AMZ2: variants seen among roughly 807,000 people sequenced by gnomAD.
AMZ2 encodes archaelysin family metallopeptidase 2.
A neutral mutation model predicts 36.7 loss-of-function variants in AMZ2; 26 were observed. The observed-to-expected ratio is 0.71, with a 90% confidence interval of 0.52 to 0.98. The LOEUF (loss-of-function observed/expected upper bound fraction) is 0.98. AMZ2 is among the 50% of genes least tolerant of loss of function. The pLI is 0.00. For missense variants in AMZ2, 394 were observed against 430.5 expected (o/e 0.92, Z 0.75); for synonymous variants, 144 against 149.1 (o/e 0.97, Z 0.25).
At chr17:68,209,262 T>C (rs1555725144) in intron 1 of AMZ2, among the ~76,000 whole-genome samples, 2 of 151,902 alleles carry the variant, frequency 1.3e-5, no homozygotes, top group African/African-American at 4.8e-5. Flanking sequence ...GGCGCGATCT[T>C]GGCTCACTGC....
intron 6 of AMZ2, 68 bp from the exon 7 acceptor site, chr17:68,256,746 T>C: frequency 1.3e-6 from 2 of 1,513,750 alleles, no homozygotes. Flanking sequence ...TAGAAGCCAA[T>C]GCTTCTCTCT....
intron 1 of AMZ2, among the ~76,000 whole-genome samples, chr17:68,221,209 T>TCCCCCCCCCCCCCC (rs55937321): frequency 2.8e-4 from 19 of 66,776 alleles, no homozygotes; most frequent in African/African-American, 3.4e-4. Flanking sequence ...AGCCCTCAGC[T>TCCCCCCCCCCCCCC]CCCCCCCCCG....
At chr17:68,247,175 A>G (rs1473135987), upstream of AMZ2, 2 of 151,958 alleles carry the variant, frequency 1.3e-5, no homozygotes, top group Non-Finnish European at 2.9e-5. Flanking sequence ...TCTCTACTAA[A>G]AATAACAAAA....
rs146586045 is a variant in AMZ2 at position 68,223,592 on chromosome 17, T to G, written c.-67+17354T>G. On this transcript the variant is annotated intron_variant, in intron 1 of 7. Transcript: ENST00000674770. Reference sequence around the variant, plus strand: ...TTCTCTCTTGTTGCCCAGGCTGGAGTGCAGTGGCACGATCTCAGCTCAATG... The same window carrying G: ...TTCTCTCTTGTTGCCCAGGCTGGAGGGCAGTGGCACGATCTCAGCTCAATG... Among the ~76,000 whole-genome samples, 1,143 of 152,304 alleles carry G rather than the reference T, an allele frequency of 7.5e-3. 12 individuals are homozygous for G. Among genetic ancestry groups the G allele is most frequent in the Non-Finnish European group, 0.01 (694 of 68,024 alleles).
At chr17:68,217,601 G>C (rs1278926779) in intron 1 of AMZ2, among the ~76,000 whole-genome samples, 3 of 152,082 alleles carry the variant, frequency 2.0e-5, no homozygotes, top group African/African-American at 7.2e-5. Context: ...AGTAATTTCA[G>C]TTTAACTGTA....
Position 68,250,885 on chromosome 17 carries a change from ACTC to A in AMZ2, c.378_380del (p.Leu127del), listed in dbSNP as rs1188282714. 10 of 1,610,396 alleles carry A rather than the reference ACTC, an allele frequency of 6.2e-6. No individual in the cohort carries two copies. Among genetic ancestry groups the A allele is most frequent in the African/African-American group, 1.3e-5 (1 of 74,660 alleles). On this transcript the variant is annotated inframe_deletion, in exon 3 of 7. Coordinates refer to ENST00000359904, the MANE Select transcript of AMZ2 (RefSeq NM_016627.5). ...CATATTTCTATGGCTTGAGAGTAAA[ACTC>A]CTAGAACCAGTTCCTGTTTCTGTAA...
intron 1 of AMZ2, 140 bp from the exon 2 acceptor site, chr17:68,250,048 C>T: frequency 2.2e-6 from 2 of 892,098 alleles, no homozygotes; most frequent in Non-Finnish European, 3.3e-6. Context: ...GAGGAAACCA[C>T]TCTAAGTGTG....
chr17:68,206,519 G>A (rs1447239632), intron 1 of AMZ2: 2 of 160,570 alleles, frequency 1.2e-5, no homozygotes, highest in African/African-American at 4.8e-5. Context: ...TTCAAAATTT[G>A]TGCCAGTGCA....
chr17:68,220,782 C>CTTT (rs11298867), intron 1 of AMZ2, among the ~76,000 whole-genome samples: 8 of 131,814 alleles, frequency 6.1e-5, no homozygotes, highest in Admixed American at 1.6e-4. Context: ...TTTTCTTTCT[C>CTTT]TTTTTTTTTT....
At chr17:68,211,802 A>G (rs1234388811) in intron 1 of AMZ2, among the ~76,000 whole-genome samples, 1 of 133,450 alleles carries the variant, frequency 7.5e-6, no homozygotes, top group African/African-American at 2.6e-5. Flanking sequence ...ATATATGTGT[A>G]TATGTATATA....
intron 1 of AMZ2, among the ~76,000 whole-genome samples, chr17:68,241,922 T>G (rs1161028255): frequency 1.3e-5 from 2 of 150,366 alleles, no homozygotes. Context: ...TTTTTTTTTT[T>G]GTAGCAGAGA....
intron 1 of AMZ2, chr17:68,248,910 C>T (rs555243101): frequency 3.1e-6 from 2 of 642,022 alleles, no homozygotes; most frequent in South Asian, 1.5e-4. Context: ...TAAGTTTTCC[C>T]ATCAATCGTC....
intron 2 of AMZ2, 104 bp downstream of exon 2, chr17:68,250,574 G>C: frequency 5.6e-6 from 8 of 1,421,574 alleles, no homozygotes; most frequent in Non-Finnish European, 7.6e-6. Flanking sequence ...TTTTAGGATC[G>C]TTTTTGATAT....
rs142314127 is a variant in AMZ2, at chr17:68,210,040, A to C, written c.-67+3802A>C. ...ATGTTTAAAAAAAATAAAAATAAAAAGTGTTGGGGAGGATTTGGGGAAATT... is the reference window on the plus strand; with the variant it reads ...ATGTTTAAAAAAAATAAAAATAAAACGTGTTGGGGAGGATTTGGGGAAATT... On this transcript the variant is annotated intron_variant, in intron 1 of 7. Coordinates refer to the AMZ2 transcript ENST00000674770. Among the ~76,000 whole-genome samples, 829 of 152,338 alleles carry C rather than the reference A, an allele frequency of 5.4e-3. 9 individuals carry two copies. The highest frequency in any genetic ancestry group is 0.019 in the African/African-American group (799 of 41,572).
rs1188142229 is a variant in AMZ2, at chr17:68,213,506, A to G, written c.-67+7268A>G. On this transcript the variant is annotated intron_variant, in intron 1 of 7. Coordinates refer to the AMZ2 transcript ENST00000674770. ...GGAAAGGAGAGTAGAAACTTTATCA[A>G]TGTGCTGTCGAGAGGTCTGAATCCA... Among the ~76,000 whole-genome samples the G allele has an allele frequency of 9.8e-5, 15 of 152,288 alleles. No homozygotes were observed. The East Asian group carries it at 1.3e-3, about 14-fold the overall frequency.
upstream of AMZ2, among the ~76,000 whole-genome samples, chr17:68,245,047 C>T (rs182457088): frequency 2.6e-5 from 4 of 152,274 alleles, no homozygotes; most frequent in African/African-American, 9.6e-5. Flanking sequence ...ACTTTCTTCT[C>T]CAACCTTGGG....
intron 1 of AMZ2, among the ~76,000 whole-genome samples, chr17:68,236,692 C>T (rs1383379142): frequency 1.3e-5 from 2 of 151,592 alleles, no homozygotes; most frequent in Non-Finnish European, 2.9e-5. Context: ...CTGCCTCAGC[C>T]TCCCCAGTAG....
intron 1 of AMZ2, among the ~76,000 whole-genome samples, chr17:68,209,632 A>ATATAT: frequency 5.5e-5 from 5 of 90,690 alleles, no homozygotes; most frequent in South Asian, 3.9e-4. Flanking sequence ...ATATATATAT[A>ATATAT]TTTTTTTTTT....
chr17:68,219,938 TTGAG>T (rs1555728120), intron 1 of AMZ2, among the ~76,000 whole-genome samples: 2 of 152,212 alleles, frequency 1.3e-5, no homozygotes, highest in Non-Finnish European at 2.9e-5. Flanking sequence ...GTTAAGCTCT[TTGAG>T]TGCCCATCAG....
Sources: gnomAD v4.1 joint callset for allele counts (sites outside exome capture counted in the v4.1 genomes callset) on GRCh38, gnomAD v4.1.1 for gene constraint, MANE v1.5 for transcripts, NCBI Gene and HGNC (gene_info 2026-07-23, HGNC 2026-07-21) for gene names.